MAF: variants seen among roughly 807,000 people sequenced by gnomAD.
MAF encodes the protein transcription factor Maf.
In MAF, 10 loss-of-function variants were observed where a neutral mutation model predicts 22.0. That is an observed-to-expected ratio of 0.45 (90% CI 0.28 to 0.77). The LOEUF (loss-of-function observed/expected upper bound fraction) is 0.77. Ranked by LOEUF, MAF falls within the 30% of genes least tolerant of loss-of-function variation. The probability of loss-of-function intolerance (pLI) is 0.12; values close to 1 mark genes in which losing one functional copy is unlikely to be tolerated. For missense variants in MAF, 544 were observed against 548.4 expected (o/e 0.99, Z 0.08); for synonymous variants, 337 against 255.8 (o/e 1.32, Z -3.03).
chr16:79,443,241 G>T, the MAF span, among the ~76,000 whole-genome samples: 1 of 152,150 alleles, frequency 6.6e-6, no homozygotes, highest in African/African-American at 2.4e-5. Context: ...GTTAAACTGG[G>T]ACATTTGGTT....
the MAF span, among the ~76,000 whole-genome samples, chr16:79,571,973 C>A: frequency 6.6e-6 from 1 of 152,148 alleles, no homozygotes; most frequent in South Asian, 2.1e-4. Flanking sequence ...TCTTCATTTT[C>A]CTTCTCCTAA....
chr16:79,551,501 G>A, the MAF span, among the ~76,000 whole-genome samples: 4 of 152,118 alleles, frequency 2.6e-5, no homozygotes, highest in Admixed American at 2.0e-4. Flanking sequence ...ACAATTACAA[G>A]TGAGAAAGAC....
At chr16:79,414,856 C>T in the MAF span, among the ~76,000 whole-genome samples, 4 of 152,210 alleles carry the variant, frequency 2.6e-5, no homozygotes, top group Non-Finnish European at 5.9e-5. Flanking sequence ...CCAGGGAACT[C>T]CTCCACGACA....
At chr16:79,544,709 C>T in the MAF span, among the ~76,000 whole-genome samples, 1 of 148,532 alleles carries the variant, frequency 6.7e-6, no homozygotes, top group Non-Finnish European at 1.5e-5. Flanking sequence ...GGAGGCGGAC[C>T]TCACAGTAAG....
chr16:79,413,210 G>GTTTTTTTTTTTTTTTTT, the MAF span, among the ~76,000 whole-genome samples: 2 of 63,642 alleles, frequency 3.1e-5, 1 homozygote, highest in African/African-American at 1.1e-4. Flanking sequence ...GAGCTGTGCA[G>GTTTTTTTTTTTTTTTTT]TTTTTTTTTT....
chr16:79,580,319 C>T, the MAF span, among the ~76,000 whole-genome samples: 2 of 152,222 alleles, frequency 1.3e-5, no homozygotes, highest in African/African-American at 4.8e-5. Flanking sequence ...AGGATGCTAC[C>T]AAGTGATCAA....
chr16:79,472,532 G>T, the MAF span, among the ~76,000 whole-genome samples: 6 of 152,060 alleles, frequency 3.9e-5, no homozygotes, highest in Non-Finnish European at 8.8e-5. Context: ...GAGCAATGTT[G>T]TATGATTCCA....
the MAF span, among the ~76,000 whole-genome samples, chr16:79,281,951 A>G: frequency 6.6e-6 from 1 of 152,154 alleles, no homozygotes; most frequent in Admixed American, 6.5e-5. Context: ...ATCTCACCCC[A>G]GGATAGTTTG....
chr16:79,249,994 C>T, the MAF span, among the ~76,000 whole-genome samples: 2 of 152,214 alleles, frequency 1.3e-5, no homozygotes, highest in Admixed American at 1.3e-4. Flanking sequence ...CTCCTCAATT[C>T]TCTGGCCTGG....
chr16:79,316,316 T>C, the MAF span, among the ~76,000 whole-genome samples: 2 of 152,182 alleles, frequency 1.3e-5, no homozygotes, highest in Non-Finnish European at 2.9e-5. Context: ...TTGTGCAATG[T>C]TCTAGATGCA....
chr16:79,219,969 TAAAC>T, the MAF span, among the ~76,000 whole-genome samples: 1 of 152,348 alleles, frequency 6.6e-6, no homozygotes, highest in South Asian at 2.1e-4. Context: ...AATGTTCTGT[TAAAC>T]AAAATGTACT....
the MAF span, among the ~76,000 whole-genome samples, chr16:79,463,967 C>T: frequency 1.4e-5 from 1 of 73,680 alleles, no homozygotes; most frequent in Non-Finnish European, 4.1e-5. Flanking sequence ...AGAGCTGAGG[C>T]TTGCAAAAAA....
the MAF span, among the ~76,000 whole-genome samples, chr16:79,274,247 G>A: frequency 1.1e-5 from 1 of 88,734 alleles, no homozygotes; most frequent in Non-Finnish European, 2.2e-5. Flanking sequence ...GAGCCACTTT[G>A]CCCAGCCTTT....
the MAF span, among the ~76,000 whole-genome samples, chr16:79,454,063 T>G: frequency 6.6e-6 from 1 of 152,232 alleles, no homozygotes; most frequent in Non-Finnish European, 1.5e-5. Flanking sequence ...AGAAAAGTGT[T>G]CCATGCATAT....
At chr16:79,317,455 C>A in the MAF span, among the ~76,000 whole-genome samples, 1 of 132,256 alleles carries the variant, frequency 7.6e-6, no homozygotes, top group African/African-American at 2.8e-5. Flanking sequence ...TCCCTACTTC[C>A]TCTCTCCCTC....
At chr16:79,243,388 C>T in the MAF span, among the ~76,000 whole-genome samples, 4 of 151,668 alleles carry the variant, frequency 2.6e-5, no homozygotes, top group African/African-American at 7.3e-5. Flanking sequence ...GGGGATATCG[C>T]CACTGATCCC....
chr16:79,253,154 C>G, the MAF span, among the ~76,000 whole-genome samples: 1 of 152,126 alleles, frequency 6.6e-6, no homozygotes, highest in Non-Finnish European at 1.5e-5. Flanking sequence ...TAGCTGTGAC[C>G]TTTGCAAGGC....
chr16:79,458,952 G>C, the MAF span, among the ~76,000 whole-genome samples: 11 of 152,106 alleles, frequency 7.2e-5, no homozygotes, highest in Non-Finnish European at 1.5e-4. Context: ...ATTTGTTTTG[G>C]TTACTTAAAC....
the MAF span, among the ~76,000 whole-genome samples, chr16:79,484,174 C>T: frequency 5.9e-5 from 9 of 152,138 alleles, no homozygotes; most frequent in African/African-American, 1.9e-4. Flanking sequence ...AGGGACCTGC[C>T]GACAGTCACC....
Sources: gnomAD v4.1 joint callset for allele counts (sites outside exome capture counted in the v4.1 genomes callset) on GRCh38, gnomAD v4.1.1 for gene constraint, MANE v1.5 for transcripts, NCBI Gene and HGNC (gene_info 2026-07-23, HGNC 2026-07-21) for gene names.